AOPEP: variants seen among roughly 807,000 people sequenced by gnomAD.
AOPEP encodes aminopeptidase O.
AOPEP carries 77 observed loss-of-function variants against 98.1 expected under a neutral mutation model. The ratio of observed to expected loss-of-function variants is 0.78; its 90% CI spans 0.65 to 0.95. AOPEP has a LOEUF of 0.95. Among genes scored for constraint, AOPEP ranks in the 40% least tolerant of loss-of-function variants. AOPEP has a pLI of 0.00. For missense variants in AOPEP, 1,024 were observed against 1,024.7 expected, an observed-to-expected ratio of 1.00 and a Z score of 0.01; for synonymous variants, 346 against 365.3, an observed-to-expected ratio of 0.95 and a Z score of 0.60.
Position 95,060,720 on chromosome 9 carries a change from T to A in AOPEP, c.2142T>A (p.Leu714=), listed in dbSNP as rs1238455456. 1 of 1,613,958 alleles carries A rather than the reference T, an allele frequency of 6.2e-7. No homozygotes were observed. Among genetic ancestry groups the A allele is most frequent in the Non-Finnish European group, 8.5e-7 (1 of 1,179,944 alleles). Residue 714 remains leucine, a synonymous_variant, in exon 14 of 17, where the codon CTT becomes CTA. Coordinates refer to ENST00000375315, the MANE Select transcript of AOPEP (RefSeq NM_001193329.3). ...TTCTTCCAGACCAGCTGGTCTTGCT[T>A]CTGGAGCATCTCTTGGAGCAGAAGA... ...EKLLPDQLVL[L]LEHLLEQKTL...
chr9:95,051,131 C>T (rs1180136936), intron 13 of AOPEP, among the ~76,000 whole-genome samples: 1 of 147,740 alleles, frequency 6.8e-6, no homozygotes, highest in Non-Finnish European at 1.5e-5. Flanking sequence ...GCTCTGTCGC[C>T]CAGGCTGAAG....
chr9:94,826,479 T>G (rs981692630), intron 5 of AOPEP, among the ~76,000 whole-genome samples: 12 of 152,160 alleles, frequency 7.9e-5, no homozygotes, highest in Non-Finnish European at 1.6e-4. Flanking sequence ...GGAGGGAGTT[T>G]GCCTCTCTAG....
intron 1 of AOPEP, among the ~76,000 whole-genome samples, chr9:94,730,273 G>C (rs1830212532): frequency 7.2e-6 from 1 of 139,594 alleles, no homozygotes. Flanking sequence ...GACAGAGCGA[G>C]ACTCCATCTC....
At chr9:95,032,237 A>G (rs2133383177) in intron 13 of AOPEP, among the ~76,000 whole-genome samples, 1 of 152,188 alleles carries the variant, frequency 6.6e-6, no homozygotes, top group South Asian at 2.1e-4. Context: ...GGCCACCCCC[A>G]CCTGGAGTGG....
At chr9:95,085,870 G>T in intron 16 of AOPEP, 1 of 1,186,956 alleles carries the variant, frequency 8.4e-7, no homozygotes, top group Non-Finnish European at 1.1e-6. Flanking sequence ...GGGGCGGGGC[G>T]GGGCTTTCGG....
At chr9:94,803,326 A>G (rs1848583104) in intron 5 of AOPEP, among the ~76,000 whole-genome samples, 1 of 152,212 alleles carries the variant, frequency 6.6e-6, no homozygotes, top group South Asian at 2.1e-4. Context: ...ATTATAATGA[A>G]TACCATTTTA....
Position 94,859,095 on chromosome 9 carries a change from C to T in AOPEP, c.1364+58093C>T, listed in dbSNP as rs143163703. On this transcript the variant is annotated intron_variant, in intron 5 of 16. Coordinates refer to ENST00000375315, the MANE Select transcript of AOPEP (RefSeq NM_001193329.3). ...CTGTGCCACTGCACTTCAGCCTGGG[C>T]GACAGAGTGAGACTCTGTCTCAAAG... Among the ~76,000 whole-genome samples the T allele has an allele frequency of 4.9e-3, 749 of 151,422 alleles. 6 individuals are homozygous for T. Among genetic ancestry groups the T allele is most frequent in the African/African-American group, 0.017 (688 of 41,258 alleles).
the AOPEP span, among the ~76,000 whole-genome samples, chr9:95,128,500 G>A: frequency 6.6e-6 from 1 of 152,162 alleles, no homozygotes; most frequent in Non-Finnish European, 1.5e-5. Flanking sequence ...TGCTAGTAGA[G>A]AATCATTCAA....
At chr9:94,739,644 CAAAA>C (rs56210021) in intron 1 of AOPEP, among the ~76,000 whole-genome samples, 2 of 79,436 alleles carry the variant, frequency 2.5e-5, no homozygotes. Context: ...AACTTCGTCT[CAAAA>C]AAAAAAAAAA....
Position 94,728,155 on chromosome 9 carries a change from C to T in AOPEP, c.-136+1404C>T, listed in dbSNP as rs950035650. Reference sequence around the variant, plus strand: ...CAAATGATTTAACACTTTTTAATATCTTTAATACTGTGTTAAGTTCCCATA... The same window carrying T: ...CAAATGATTTAACACTTTTTAATATTTTTAATACTGTGTTAAGTTCCCATA... On this transcript the variant is annotated intron_variant, in intron 1 of 16. Transcript: ENST00000375315. Among the ~76,000 whole-genome samples the T allele has an allele frequency of 8.6e-5, 13 of 151,782 alleles. No homozygotes were observed. The South Asian group carries it at 2.7e-3, about 32-fold the overall frequency.
chr9:95,119,238 T>C, the AOPEP span, among the ~76,000 whole-genome samples: 1 of 152,232 alleles, frequency 6.6e-6, no homozygotes, highest in Non-Finnish European at 1.5e-5. Context: ...TTTTAAAAAC[T>C]GGTTTCTTAG....
At chr9:94,867,876 C>G (rs2045885818) in intron 5 of AOPEP, among the ~76,000 whole-genome samples, 1 of 152,194 alleles carries the variant, frequency 6.6e-6, no homozygotes, top group Non-Finnish European at 1.5e-5. Flanking sequence ...AGTTGCCTTT[C>G]ATTTCAACCA....
intron 3 of AOPEP, among the ~76,000 whole-genome samples, chr9:94,779,462 G>C (rs1842830331): frequency 6.6e-6 from 1 of 152,054 alleles, no homozygotes; most frequent in Non-Finnish European, 1.5e-5. Flanking sequence ...TCTTTTTAGA[G>C]GGAAAGGTCT....
At chr9:94,814,597 G>T (rs548544465) in intron 5 of AOPEP, among the ~76,000 whole-genome samples, 1 of 152,230 alleles carries the variant, frequency 6.6e-6, no homozygotes, top group African/African-American at 2.4e-5. Context: ...TTCTGAACAA[G>T]TGAGGGCCAT....
chr9:94,908,357 C>G (rs1239993702), intron 5 of AOPEP, among the ~76,000 whole-genome samples: 1 of 152,166 alleles, frequency 6.6e-6, no homozygotes, highest in Non-Finnish European at 1.5e-5. Flanking sequence ...AATCCTCCAT[C>G]CTCCCCTTGT....
intron 2 of AOPEP, among the ~76,000 whole-genome samples, chr9:94,770,487 G>T (rs1840617156): frequency 6.6e-6 from 1 of 152,180 alleles, no homozygotes; most frequent in Non-Finnish European, 1.5e-5. Context: ...GGTGTGCCAG[G>T]AGCTGGAAAA....
chr9:94,772,230 G>A (rs573138790), intron 2 of AOPEP, among the ~76,000 whole-genome samples: 152 of 152,242 alleles, frequency 1.0e-3, no homozygotes, highest in African/African-American at 3.6e-3. Context: ...CTTCTACTCT[G>A]GTGTCAAGAG....
chr9:94,907,349 G>C (rs2051304607), intron 5 of AOPEP, among the ~76,000 whole-genome samples: 1 of 152,134 alleles, frequency 6.6e-6, no homozygotes, highest in Non-Finnish European at 1.5e-5. Flanking sequence ...GGAGAAAACT[G>C]AAGAACTGAG....
chr9:95,121,450 A>G, the AOPEP span, among the ~76,000 whole-genome samples: 12 of 152,204 alleles, frequency 7.9e-5, no homozygotes, highest in Non-Finnish European at 1.5e-4. Flanking sequence ...GAGCACCAAC[A>G]CTTTTGAAAT....
Sources: gnomAD v4.1 joint callset for allele counts (sites outside exome capture counted in the v4.1 genomes callset) on GRCh38, gnomAD v4.1.1 for gene constraint, MANE v1.5 for transcripts, NCBI Gene and HGNC (gene_info 2026-07-23, HGNC 2026-07-21) for gene names.